Variants in TXLNB observed in about 807,000 individuals in gnomAD.
The protein encoded by TXLNB is taxilin beta, also known as beta-taxilin.
TXLNB carries 37 observed loss-of-function variants against 57.4 expected under a neutral mutation model. The observed-to-expected ratio is 0.64, with a 90% confidence interval of 0.50 to 0.85. TXLNB has a LOEUF of 0.85. Ranked by LOEUF, TXLNB falls within the 40% of genes least tolerant of loss-of-function variation. The pLI is 0.00. For synonymous variants in TXLNB, 302 were observed against 309.6 expected (o/e 0.98, Z 0.26); for missense variants, 848 against 825.6 (o/e 1.03, Z -0.33).
In TXLNB at chr6:139,272,029, C is replaced by T. The variant is rs539552174; in HGVS notation, c.517-1403G>A. Among the ~76,000 whole-genome samples, 152 of 152,286 alleles carry T rather than the reference C, an allele frequency of 1.0e-3. 1 individual carries two copies. The highest frequency in any genetic ancestry group is 3.5e-3 in the African/African-American group (144 of 41,556). Reference sequence around the variant, plus strand: ...CCCCATTTTAAAAAAGCCATTGGGGCTGGGCGTGGTGGCTCATGCCTGTAA... The same window carrying T: ...CCCCATTTTAAAAAAGCCATTGGGGTTGGGCGTGGTGGCTCATGCCTGTAA... On this transcript the variant is annotated intron_variant, in intron 3 of 9. Coordinates refer to ENST00000358430, the MANE Select transcript of TXLNB (RefSeq NM_153235.4).
At position 139,243,103 on chromosome 6, in the gene TXLNB, ACCT is replaced by A; in HGVS notation, c.1475_1477del (p.Glu492del). The stretch of plus-strand genomic sequence containing the variant: ...TTTCACGGCGGTTTGGACACTATTA[ACCT>A]CCTCTGCGTCAATCTCTTGATCCAC... On this transcript the variant is annotated inframe_deletion, in exon 10 of 10. Coordinates refer to ENST00000358430, the MANE Select transcript of TXLNB (RefSeq NM_153235.4). 6.2e-7 allele frequency: 1 copy of A among 1,613,458 alleles called. No homozygotes were observed. The highest frequency in any genetic ancestry group is 1.3e-5 in the African/African-American group (1 of 74,746).
intron 4 of TXLNB, among the ~76,000 whole-genome samples, chr6:139,268,499 A>G (rs1776674010): frequency 6.6e-6 from 1 of 152,254 alleles, no homozygotes; most frequent in East Asian, 1.9e-4. Context: ...TAAAAATTAA[A>G]TAACACTTCT....
chr6:139,188,056 C>T, the TXLNB span, among the ~76,000 whole-genome samples: 1 of 152,116 alleles, frequency 6.6e-6, no homozygotes, highest in Admixed American at 6.5e-5. Context: ...TGTTTGATGG[C>T]CTTTTCCATC....
the TXLNB span, among the ~76,000 whole-genome samples, chr6:139,307,575 C>A: frequency 6.6e-6 from 1 of 152,148 alleles, no homozygotes; most frequent in African/African-American, 2.4e-5. Context: ...TTCAGGTGAG[C>A]TTATGCCCTT....
chr6:139,168,912 C>A, the TXLNB span, among the ~76,000 whole-genome samples: 1 of 152,200 alleles, frequency 6.6e-6, no homozygotes, highest in African/African-American at 2.4e-5. Context: ...TCCCATCTTA[C>A]AATGTCACTA....
chr6:139,269,872 C>A (rs1350767390), intron 4 of TXLNB, among the ~76,000 whole-genome samples: 5 of 152,116 alleles, frequency 3.3e-5, no homozygotes, highest in Non-Finnish European at 7.3e-5. Context: ...TTAATGAAAC[C>A]CGTGCAGACC....
At chr6:139,187,845 C>T in the TXLNB span, among the ~76,000 whole-genome samples, 3 of 152,156 alleles carry the variant, frequency 2.0e-5, no homozygotes, top group African/African-American at 7.2e-5. Context: ...TCCTTACTTC[C>T]CTCACCTGTA....
intron 8 of TXLNB, among the ~76,000 whole-genome samples, chr6:139,246,136 A>G (rs1277821793): frequency 6.6e-6 from 1 of 152,242 alleles, no homozygotes; most frequent in Admixed American, 6.5e-5. Flanking sequence ...ACTAACGTCC[A>G]TAAATGGACC....
chr6:139,317,468 C>T, the TXLNB span, among the ~76,000 whole-genome samples: 3 of 151,744 alleles, frequency 2.0e-5, no homozygotes, highest in East Asian at 5.8e-4. Flanking sequence ...GGCGCAATCT[C>T]GGCTCACTGC....
At chr6:139,247,661 T>TA (rs1442994463) in intron 8 of TXLNB, among the ~76,000 whole-genome samples, 156 bp downstream of exon 8, 1 of 151,390 alleles carries the variant, frequency 6.6e-6, no homozygotes, top group Admixed American at 6.6e-5. Flanking sequence ...ACTTACCAAT[T>TA]AAAAAATACA....
chr6:139,194,791 A>G, the TXLNB span, among the ~76,000 whole-genome samples: 1 of 152,236 alleles, frequency 6.6e-6, no homozygotes, highest in Non-Finnish European at 1.5e-5. Flanking sequence ...CAAGAATCTA[A>G]GTGATCCAGC....
rs377331555 is a variant in TXLNB, at chr6:139,246,910, A to G, written c.1170+907T>C. Among the ~76,000 whole-genome samples, 36 of 147,628 alleles carry G rather than the reference A, an allele frequency of 2.4e-4. 1 individual carries two copies. The East Asian group carries it at 5.9e-3, about 24-fold the overall frequency. ...GCCTGGGCAACAAGAGCGAAATTCCATCTCAAAAAAAAAAAAAAAATTAGA... is the reference window on the plus strand; with the variant it reads ...GCCTGGGCAACAAGAGCGAAATTCCGTCTCAAAAAAAAAAAAAAAATTAGA... On this transcript the variant is annotated intron_variant, in intron 8 of 9. Coordinates refer to ENST00000358430, the MANE Select transcript of TXLNB (RefSeq NM_153235.4).
At chr6:139,309,357 T>C in the TXLNB span, among the ~76,000 whole-genome samples, 1 of 152,254 alleles carries the variant, frequency 6.6e-6, no homozygotes, top group Non-Finnish European at 1.5e-5. Flanking sequence ...TCAGTTTCTC[T>C]TGTTTGCAAT....
Position 139,243,322 on chromosome 6 carries a change from G to A in TXLNB, c.1267-8C>T. The A allele has an allele frequency of 1.2e-6, 2 of 1,601,620 alleles. No homozygotes were observed. The highest frequency in any genetic ancestry group is 1.7e-6 in the Non-Finnish European group (2 of 1,176,748). ...TTTAGCTCTCAGTGCTTTCTGTGATGTGAAAACACACGCACATACACACAC... is the reference window on the plus strand; with the variant it reads ...TTTAGCTCTCAGTGCTTTCTGTGATATGAAAACACACGCACATACACACAC... On this transcript the variant is annotated splice_region_variant and splice_polypyrimidine_tract_variant and intron_variant, in intron 9 of 9. Coordinates refer to ENST00000358430, the MANE Select transcript of TXLNB (RefSeq NM_153235.4).
the TXLNB span, among the ~76,000 whole-genome samples, chr6:139,302,779 C>T: frequency 5.2e-3 from 788 of 151,056 alleles, 9 homozygotes; most frequent in African/African-American, 0.018. Context: ...AGTGAAACTA[C>T]GTCTTGAAAA....
the TXLNB span, chr6:139,166,181 T>C: frequency 2.2e-6 from 2 of 903,694 alleles, no homozygotes; most frequent in African/African-American, 3.3e-5. Context: ...CCTTTCATTA[T>C]ATTCATGTCT....
At chr6:139,278,832 C>T (rs1163208103) in intron 2 of TXLNB, among the ~76,000 whole-genome samples, 2 of 152,142 alleles carry the variant, frequency 1.3e-5, no homozygotes, top group South Asian at 2.1e-4. Flanking sequence ...GGTGAAACCC[C>T]ATCTCTACTA....
chr6:139,289,786 T>G (rs1342567833), intron 1 of TXLNB, among the ~76,000 whole-genome samples: 1 of 152,238 alleles, frequency 6.6e-6, no homozygotes, highest in Non-Finnish European at 1.5e-5. Flanking sequence ...TTAAAATGTT[T>G]AAATATAAAG....
the TXLNB span, among the ~76,000 whole-genome samples, chr6:139,300,994 A>G: frequency 2.6e-5 from 4 of 152,210 alleles, no homozygotes; most frequent in African/African-American, 9.6e-5. Flanking sequence ...AAACTGTTTC[A>G]GGGCCCCCAT....
Sources: gnomAD v4.1 joint callset for allele counts (sites outside exome capture counted in the v4.1 genomes callset) on GRCh38, gnomAD v4.1.1 for gene constraint, MANE v1.5 for transcripts, NCBI Gene and HGNC (gene_info 2026-07-23, HGNC 2026-07-21) for gene names.